Variants in UNC45B observed in about 807,000 individuals in gnomAD.
UNC45B encodes the protein unc-45 myosin chaperone B.
In UNC45B, 78 loss-of-function variants were observed where a neutral mutation model predicts 98.7. That is an observed-to-expected ratio of 0.79 (90% CI 0.66 to 0.95). The LOEUF (loss-of-function observed/expected upper bound fraction) is 0.95. Ranked by LOEUF, UNC45B falls within the 40% of genes least tolerant of loss-of-function variation. UNC45B has a pLI of 0.00. For missense variants in UNC45B, 1,225 were observed against 1,184.9 expected, an observed-to-expected ratio of 1.03 and a Z score of -0.50; for synonymous variants, 462 against 480.4, an observed-to-expected ratio of 0.96 and a Z score of 0.50.
chr17:35,183,988 G>A (rs1014672186), intron 19 of UNC45B, among the ~76,000 whole-genome samples: 2 of 152,206 alleles, frequency 1.3e-5, no homozygotes, highest in African/African-American at 2.4e-5. Context: ...ACAATGACCA[G>A]CTCCTATGAG....
At chr17:35,154,482 T>TC (rs1411033672) in intron 5 of UNC45B, 92 bp from the exon 6 acceptor site, 10 of 1,198,744 alleles carry the variant, frequency 8.3e-6, no homozygotes, top group Non-Finnish European at 8.2e-6. Flanking sequence ...GAAGATCCAG[T>TC]CTTTGCACTG....
At chr17:35,173,814 ATT>A (rs34777618) in intron 13 of UNC45B, among the ~76,000 whole-genome samples, 4 of 136,592 alleles carry the variant, frequency 2.9e-5, no homozygotes, top group African/African-American at 2.7e-5. Flanking sequence ...TAGGCCATGG[ATT>A]TTTTTTTTTT....
chr17:35,184,418 T>C (rs1479334247), intron 19 of UNC45B, among the ~76,000 whole-genome samples: 2 of 152,144 alleles, frequency 1.3e-5, no homozygotes, highest in Admixed American at 1.3e-4. Flanking sequence ...ATTTAGTAGA[T>C]TGGGGGTGGG....
At position 35,150,052 on chromosome 17, in the gene UNC45B, C is replaced by G. The variant is rs373738527; in HGVS notation, c.210C>G (p.Ile70Met). ...TCCCCCGTCTCCCCTCGATAGCCAT[C>G]GACATCAACTCCTCGGACATCAAGG... The part of the protein sequence containing the change: ...VQAASDASRA[I>M]DINSSDIKAL... Residue 70 changes from isoleucine to methionine, a missense_variant, in exon 4 of 20, where the codon ATC becomes ATG. Transcript: ENST00000394570. The G allele has an allele frequency of 6.2e-7, 1 of 1,601,190 alleles. No homozygotes were observed. Among genetic ancestry groups the G allele is most frequent in the South Asian group, 1.1e-5 (1 of 89,150 alleles).
At chr17:35,183,356 T>A in intron 18 of UNC45B, 71 bp from the exon 19 acceptor site, 4 of 1,409,752 alleles carry the variant, frequency 2.8e-6, no homozygotes, top group South Asian at 3.7e-5. Context: ...GAACTTCAGA[T>A]GTATCTTTCC....
intron 11 of UNC45B, 63 bp downstream of exon 11, chr17:35,169,994 G>A (rs1351030457): frequency 6.2e-7 from 1 of 1,611,598 alleles, no homozygotes; most frequent in African/African-American, 1.3e-5. Flanking sequence ...AAGAGTCTCT[G>A]GGGTGTGCTC....
In UNC45B at chr17:35,152,944, C is replaced by G. The variant is rs772816980; in HGVS notation, c.433C>G (p.Leu145Val). 11 of 1,614,076 alleles carry G rather than the reference C, an allele frequency of 6.8e-6. No homozygotes were observed. Among genetic ancestry groups the G allele is most frequent in the Non-Finnish European group, 9.3e-6 (11 of 1,180,004 alleles). ...DSRVQKMFEI[L>V]LDENSEADKR... Reference sequence around the variant, plus strand: ...GAGGGTACAGAAGATGTTTGAGATCCTCTTGGATGAAAACAGTGAGGCTGA... The same window carrying G: ...GAGGGTACAGAAGATGTTTGAGATCGTCTTGGATGAAAACAGTGAGGCTGA... Residue 145 changes from leucine (L) to valine (V), a missense_variant, in exon 5 of 20, where the codon CTC becomes GTC. Transcript: ENST00000394570.
intron 7 of UNC45B, among the ~76,000 whole-genome samples, chr17:35,156,615 G>A (rs2092063890): frequency 6.6e-6 from 1 of 151,766 alleles, no homozygotes; most frequent in Non-Finnish European, 1.5e-5. Flanking sequence ...GACAGAGTGA[G>A]ACTCCGTCTC....
intron 3 of UNC45B, among the ~76,000 whole-genome samples, chr17:35,149,439 T>C (rs1379117590): frequency 2.0e-5 from 3 of 152,068 alleles, no homozygotes; most frequent in Non-Finnish European, 4.4e-5. Flanking sequence ...TTTTTTGAGA[T>C]GGAGTCTTGC....
intron 17 of UNC45B, among the ~76,000 whole-genome samples, chr17:35,179,701 T>C (rs959714227): frequency 6.0e-5 from 9 of 150,160 alleles, no homozygotes; most frequent in Non-Finnish European, 7.4e-5. Context: ...AGTTGAACAA[T>C]GAGAACACAT....
chr17:35,150,705 T>C lies in UNC45B; in HGVS notation c.381+482T>C, dbSNP rs897467177. Reference sequence around the variant, plus strand: ...TGGAGGTTGCAGTGAGCTGAGATCATGTGCCATTGCACTTCAGCCTGGGCG... The same window carrying C: ...TGGAGGTTGCAGTGAGCTGAGATCACGTGCCATTGCACTTCAGCCTGGGCG... On this transcript the variant is annotated intron_variant, in intron 4 of 19. Transcript: ENST00000394570. Among the ~76,000 whole-genome samples the C allele has an allele frequency of 1.1e-4, 16 of 152,216 alleles. No homozygotes were observed. In the South Asian group the frequency reaches 1.2e-3, roughly 12 times the overall value.
Position 35,148,451 on chromosome 17 carries a change from A to C in UNC45B, c.168+20A>C. 1 of 1,611,828 alleles carries C rather than the reference A, an allele frequency of 6.2e-7. No homozygotes were observed. The highest frequency in any genetic ancestry group is 1.3e-5 in the African/African-American group (1 of 75,020). ...AAAACGGTCTGGGGCAGGGCAGGGC[A>C]CAGGGTGGGAGTGAGGCAGAGGGGC... On this transcript the variant is annotated intron_variant, in intron 2 of 19. Coordinates refer to ENST00000394570, the MANE Select transcript of UNC45B (RefSeq NM_001267052.2).
chr17:35,168,747 C>A (rs1490971771), intron 10 of UNC45B, among the ~76,000 whole-genome samples: 15 of 152,186 alleles, frequency 9.9e-5, no homozygotes, highest in Admixed American at 9.8e-4. Context: ...CACTCTGTCA[C>A]CTAGGCTGGA....
Position 35,156,195 on chromosome 17 carries a change from G to A in UNC45B, c.808+731G>A, listed in dbSNP as rs527479124. Among the ~76,000 whole-genome samples, 5 of 152,310 alleles carry A rather than the reference G, an allele frequency of 3.3e-5. No individual in the cohort carries two copies. In the South Asian group the frequency reaches 1.0e-3, roughly 32 times the overall value. ...GAATAGTGTTTGGCAGAGGATGGAA[G>A]AGGGGAAATGGCGGGTTATTTTCTA... is the stretch of plus-strand genomic sequence containing the variant. On this transcript the variant is annotated intron_variant, in intron 7 of 19. Coordinates refer to ENST00000394570, the MANE Select transcript of UNC45B (RefSeq NM_001267052.2).
In UNC45B at chr17:35,168,059, A is replaced by C; in HGVS notation, c.1152-2A>C. ...CTTGACCACCCTTGTCCTTTGTTTT[A>C]GGGGCAAGTTTGACCCCCAGGACAT... On this transcript the variant is annotated splice_acceptor_variant, in intron 9 of 19. Coordinates refer to ENST00000394570, the MANE Select transcript of UNC45B (RefSeq NM_001267052.2). LOFTEE classifies it high-confidence loss of function. 6.7e-7 allele frequency: 1 copy of C among 1,501,300 alleles called. No homozygotes were observed. The highest frequency in any genetic ancestry group is 8.9e-7 in the Non-Finnish European group (1 of 1,121,392). 93.0% of individuals were successfully genotyped at this position (1,501,300 alleles called of 1,614,324 possible).
At chr17:35,163,609 T>G (rs554034946) in intron 8 of UNC45B, among the ~76,000 whole-genome samples, 1 of 152,262 alleles carries the variant, frequency 6.6e-6, no homozygotes, top group East Asian at 1.9e-4. Flanking sequence ...CCCTCAAACT[T>G]TATGAGGTAG....
intron 9 of UNC45B, 69 bp from the exon 10 acceptor site, chr17:35,167,992 C>A: frequency 7.4e-7 from 1 of 1,355,382 alleles, no homozygotes; most frequent in Non-Finnish European, 9.6e-7. Context: ...AATCCTACTG[C>A]CTCCAAATCT....
intron 13 of UNC45B, among the ~76,000 whole-genome samples, chr17:35,171,884 G>C (rs1410736365): frequency 6.6e-6 from 1 of 152,214 alleles, no homozygotes; most frequent in Non-Finnish European, 1.5e-5. Context: ...AGAAGTCACA[G>C]ATCCCCTGGA....
At chr17:35,182,850 G>A (rs980448751) in intron 18 of UNC45B, among the ~76,000 whole-genome samples, 1 of 152,038 alleles carries the variant, frequency 6.6e-6, no homozygotes, top group Non-Finnish European at 1.5e-5. Flanking sequence ...GCAGAGGGGT[G>A]AGGATGAGAT....
Sources: allele counts gnomAD v4.1 joint callset (sites outside exome capture counted in the v4.1 genomes callset), GRCh38; gene constraint gnomAD v4.1.1; transcripts MANE v1.5; gene names NCBI Gene and HGNC (gene_info 2026-07-23, HGNC 2026-07-21).